FBXW8: variants seen among roughly 807,000 people sequenced by gnomAD.
FBXW8 encodes the protein F-box/WD repeat-containing protein 8.
In FBXW8, 57 loss-of-function variants were observed where a neutral mutation model predicts 65.3. The ratio of observed to expected loss-of-function variants is 0.87; its 90% CI spans 0.71 to 1.09. FBXW8 has a LOEUF of 1.09. Among genes scored for constraint, FBXW8 ranks in the 50% least tolerant of loss-of-function variants. The pLI is 0.00. For missense variants in FBXW8, 777 were observed against 814.8 expected, an observed-to-expected ratio of 0.95 and a Z score of 0.57; for synonymous variants, 308 against 330.2, an observed-to-expected ratio of 0.93 and a Z score of 0.73.
intron 8 of FBXW8, among the ~76,000 whole-genome samples, chr12:117,021,248 A>G (rs1256216188): frequency 1.3e-5 from 2 of 152,246 alleles, no homozygotes; most frequent in Non-Finnish European, 2.9e-5. Context: ...CACATGTTTA[A>G]AAGCCATTAG....
At chr12:116,930,532 T>C (rs1031933399) in intron 2 of FBXW8, among the ~76,000 whole-genome samples, 1 of 152,244 alleles carries the variant, frequency 6.6e-6, no homozygotes, top group Admixed American at 6.5e-5. Context: ...CCTTATGTAA[T>C]ATTTTGGATA....
At chr12:116,987,014 A>G (rs1885741422) in intron 6 of FBXW8, 1 of 152,236 alleles carries the variant, frequency 6.6e-6, no homozygotes, top group African/African-American at 2.4e-5. Context: ...GGTTCCCACA[A>G]AATGCTCTGA....
intron 7 of FBXW8, among the ~76,000 whole-genome samples, chr12:116,996,289 C>G (rs1387046262): frequency 6.6e-6 from 1 of 152,190 alleles, no homozygotes; most frequent in Non-Finnish European, 1.5e-5. Context: ...TTACATCACG[C>G]TGGAAAATCA....
intron 5 of FBXW8, among the ~76,000 whole-genome samples, chr12:116,969,954 A>G (rs1884552549): frequency 6.6e-6 from 1 of 151,964 alleles, no homozygotes; most frequent in African/African-American, 2.4e-5. Context: ...TGATTTTACC[A>G]CTAATTGTGT....
intron 7 of FBXW8, among the ~76,000 whole-genome samples, chr12:117,001,624 T>C (rs1233989302): frequency 6.6e-6 from 1 of 152,202 alleles, no homozygotes; most frequent in Non-Finnish European, 1.5e-5. Flanking sequence ...ATAGATATTA[T>C]AACCTTCTCT....
intron 8 of FBXW8, among the ~76,000 whole-genome samples, chr12:117,016,492 A>AT (rs74607391): frequency 0.21 from 32,326 of 151,988 alleles, 4,332 homozygotes; most frequent in African/African-American, 0.38. Flanking sequence ...TTATTAGAGT[A>AT]TTTTTTTAAT....
rs562943251 is a variant in FBXW8, at chr12:116,961,003, G to T, written c.678-3694G>T. On this transcript the variant is annotated intron_variant, in intron 4 of 10. Coordinates refer to ENST00000652555, the MANE Select transcript of FBXW8 (RefSeq NM_153348.3). The surrounding 1 kb of genome is among the most constrained non-coding windows in gnomAD (Gnocchi z 4.4). ...TGTATATTGAAAACATTGATGCCTG[G>T]TTCTATCCCCAAATGGTCAGATTTA... Among the ~76,000 whole-genome samples, 84 of 152,182 alleles carry T rather than the reference G, an allele frequency of 5.5e-4. No homozygotes were observed. The highest frequency in any genetic ancestry group is 2.0e-3 in the African/African-American group (81 of 41,520).
At chr12:117,025,118 A>C (rs1440394220) in intron 9 of FBXW8, among the ~76,000 whole-genome samples, 1 of 152,162 alleles carries the variant, frequency 6.6e-6, no homozygotes. Flanking sequence ...GGCCTCGAAC[A>C]GGAGACCCTG....
chr12:116,912,747 G>A (rs1322393053), intron 1 of FBXW8, among the ~76,000 whole-genome samples: 2 of 152,114 alleles, frequency 1.3e-5, no homozygotes, highest in Admixed American at 1.3e-4. Flanking sequence ...ACAGGCGTGA[G>A]CCACCGCGCC....
intron 4 of FBXW8, among the ~76,000 whole-genome samples, chr12:116,952,641 T>A (rs1277191226): frequency 1.3e-5 from 2 of 152,242 alleles, no homozygotes; most frequent in African/African-American, 4.8e-5. Flanking sequence ...ATTTTTTGTT[T>A]TATATTATTA....
intron 7 of FBXW8, among the ~76,000 whole-genome samples, chr12:116,992,359 G>A (rs925408909): frequency 2.6e-5 from 4 of 151,462 alleles, no homozygotes; most frequent in Non-Finnish European, 4.4e-5. Flanking sequence ...TATGGGCCAC[G>A]TAAAGTCATA....
intron 7 of FBXW8, among the ~76,000 whole-genome samples, chr12:117,006,040 T>C (rs965509100): frequency 3.9e-5 from 6 of 152,214 alleles, no homozygotes; most frequent in South Asian, 2.1e-4. Context: ...AAAATGCTAT[T>C]GTCTTGTAAG....
intron 9 of FBXW8, among the ~76,000 whole-genome samples, chr12:117,024,689 A>C (rs1159253626): frequency 1.3e-5 from 2 of 152,230 alleles, no homozygotes; most frequent in East Asian, 3.9e-4. Context: ...AAACATAGGA[A>C]GCTCGCTGGG....
chr12:116,982,905 G>A (rs1885415995), intron 5 of FBXW8, among the ~76,000 whole-genome samples: 1 of 152,164 alleles, frequency 6.6e-6, no homozygotes, highest in Admixed American at 6.5e-5. Flanking sequence ...ACTTACAAAT[G>A]CAGCCGCTCA....
intron 5 of FBXW8, among the ~76,000 whole-genome samples, chr12:116,974,471 C>T (rs1440763753): frequency 1.3e-5 from 2 of 152,104 alleles, no homozygotes; most frequent in African/African-American, 2.4e-5. Context: ...AAAAGCTGCT[C>T]GGGATCCCCT....
At chr12:116,917,088 G>T (rs1483310964) in intron 1 of FBXW8, among the ~76,000 whole-genome samples, 1 of 152,280 alleles carries the variant, frequency 6.6e-6, no homozygotes, top group East Asian at 1.9e-4. Context: ...TTCTCATGTG[G>T]CCAAGTCCAG....
chr12:116,955,757 G>T (rs1235158644), intron 4 of FBXW8, among the ~76,000 whole-genome samples: 1 of 152,196 alleles, frequency 6.6e-6, no homozygotes, highest in African/African-American at 2.4e-5. Flanking sequence ...CTTCTCCCCA[G>T]TTGCCCTCTG....
intron 7 of FBXW8, among the ~76,000 whole-genome samples, chr12:116,991,018 AGCTGGTGTTTTC>A (rs1161837943): frequency 2.0e-5 from 3 of 152,320 alleles, no homozygotes; most frequent in Non-Finnish European, 2.9e-5. Flanking sequence ...TAGTCCTGTA[AGCTGGTGTTTTC>A]GCTGGTGTTT....
intron 8 of FBXW8, among the ~76,000 whole-genome samples, chr12:117,023,802 AT>A (rs1432328308): frequency 2.6e-5 from 4 of 152,192 alleles, no homozygotes; most frequent in Admixed American, 2.6e-4. Flanking sequence ...CAACAGCAAA[AT>A]TACTGTGCTG....
Sources: gnomAD v4.1 joint callset for allele counts (sites outside exome capture counted in the v4.1 genomes callset) on GRCh38, gnomAD v4.1.1 for gene constraint, Gnocchi (gnomAD v3.1) non-coding constraint, MANE v1.5 for transcripts, NCBI Gene and HGNC (gene_info 2026-07-23, HGNC 2026-07-21) for gene names.